INSR: variants seen among roughly 807,000 people sequenced by gnomAD.
INSR encodes the protein IR.
A neutral mutation model predicts 142.6 loss-of-function variants in INSR; 67 were observed. That is an observed-to-expected ratio of 0.47 (90% CI 0.39 to 0.58). The LOEUF is 0.58. Ranked by LOEUF, INSR falls within the 20% of genes least tolerant of loss-of-function variation. The pLI is 0.00. For synonymous variants in INSR, 756 were observed against 743.1 expected (o/e 1.02, Z -0.28); for missense variants, 1,248 against 1,833.2 (o/e 0.68, Z 5.83).
At position 7,125,399 on chromosome 19, in the gene INSR, C is replaced by T; in HGVS notation, c.3142G>A (p.Gly1048Ser). 6.2e-7 allele frequency: 1 copy of T among 1,614,146 alleles called. No homozygotes were observed. The highest frequency in any genetic ancestry group is 8.5e-7 in the Non-Finnish European group (1 of 1,180,032). Residue 1048 changes from glycine to serine, a missense_variant, in exon 17 of 22, where the codon GGT becomes AGT. By Grantham distance (56) the Gly-to-Ser change is moderately conservative. Coordinates refer to ENST00000302850, the MANE Select transcript of INSR (RefSeq NM_000208.4). The surrounding 1 kb of genome is among the most constrained non-coding windows in gnomAD (Gnocchi z 4.9). Reference protein sequence around the residue: ...YEGNARDIIKGEAETRVAVKT... With the variant: ...YEGNARDIIKSEAETRVAVKT... ...ACCGCCACGCGGGTCTCTGCCTCAC[C>T]CTTGATGATGTCCCTGGCATTGCCC...
Position 7,166,392 on chromosome 19 carries a change from A to G in INSR, c.1623T>C (p.Asn541=). Residue 541 remains asparagine, a synonymous_variant, in exon 8 of 22, where the codon AAT becomes AAC. Coordinates refer to ENST00000302850, the MANE Select transcript of INSR (RefSeq NM_000208.4). The surrounding 1 kb of genome is among the most constrained non-coding windows in gnomAD (Gnocchi z 4.1). ...MLFYKEAPYQ[N]VTEFDGQDAC... ...CATCCTGCCCGTCGAACTCCGTCAC[A>G]TTCTGATAAGGGCTTTCAAGACAAA... 1 of 1,614,046 alleles carries G rather than the reference A, an allele frequency of 6.2e-7. No homozygotes were observed. The highest frequency in any genetic ancestry group is 8.5e-7 in the Non-Finnish European group (1 of 1,180,004).
At chr19:7,233,777 G>A (rs1348128079) in intron 2 of INSR, among the ~76,000 whole-genome samples, 2 of 135,346 alleles carry the variant, frequency 1.5e-5, no homozygotes, top group African/African-American at 2.8e-5. Flanking sequence ...CTGGGTTCAC[G>A]CCATTCTCCT....
rs904376501 is a variant in INSR at position 7,159,185 on chromosome 19, G to A, written c.2029+3847C>T. Among the ~76,000 whole-genome samples the A allele has an allele frequency of 3.3e-5, 5 of 152,100 alleles. No homozygotes were observed. The highest frequency in any genetic ancestry group is 9.7e-5 in the African/African-American group (4 of 41,406). On this transcript the variant is annotated intron_variant, in intron 9 of 21. Transcript: ENST00000302850. The surrounding 1 kb of genome is among the most constrained non-coding windows in gnomAD (Gnocchi z 4.3). ...CTCCCAGTGTGCTGGGATTACAGGC[G>A]TGAGCCACTGTGCCCGGTAAATCTC...
At chr19:7,181,010 G>A (rs1006795907) in intron 3 of INSR, among the ~76,000 whole-genome samples, 6 of 151,224 alleles carry the variant, frequency 4.0e-5, no homozygotes, top group Admixed American at 1.3e-4. Context: ...GCACACTCTC[G>A]GCTCACTGCG....
intron 2 of INSR, among the ~76,000 whole-genome samples, chr19:7,248,780 C>T (rs1378604864): frequency 5.8e-4 from 19 of 32,604 alleles, no homozygotes; most frequent in African/African-American, 2.2e-3. Context: ...TTTTTTGAGA[C>T]GGAGTCTCAC....
At chr19:7,254,249 G>A (rs181596731) in intron 2 of INSR, among the ~76,000 whole-genome samples, 14 of 152,188 alleles carry the variant, frequency 9.2e-5, no homozygotes, top group Admixed American at 5.2e-4. Context: ...GGATGGTGGT[G>A]CGCACCTGTA....
intron 2 of INSR, among the ~76,000 whole-genome samples, chr19:7,231,342 C>T (rs1356740030): frequency 1.4e-5 from 2 of 147,556 alleles, no homozygotes; most frequent in African/African-American, 5.1e-5. Flanking sequence ...TCTCTTTCGC[C>T]CAGGCTCTAG....
At chr19:7,258,337 G>A in intron 2 of INSR, among the ~76,000 whole-genome samples, 1 of 151,938 alleles carries the variant, frequency 6.6e-6, no homozygotes, top group East Asian at 1.9e-4. Flanking sequence ...TACTGAGGAG[G>A]CTGACTGAGG....
Position 7,216,270 on chromosome 19 carries a change from G to A in INSR, c.653-31633C>T, listed in dbSNP as rs998069650. ...ACCCAGGAGGCAGAGGTTGCAGTGA[G>A]CTGAGATCGTGCCATTGCACTCCAG... On this transcript the variant is annotated intron_variant, in intron 2 of 21. Transcript: ENST00000302850. This position sits in a 1 kb window ranked among gnomAD's most constrained non-coding sequence, Gnocchi z 4.2. Among the ~76,000 whole-genome samples the A allele has an allele frequency of 6.6e-6, 1 of 152,208 alleles. No homozygotes were observed. Among genetic ancestry groups the A allele is most frequent in the Non-Finnish European group, 1.5e-5 (1 of 68,040 alleles).
intron 1 of INSR, among the ~76,000 whole-genome samples, chr19:7,286,723 T>TTTTCC (rs1968354126): frequency 1.3e-5 from 2 of 151,844 alleles, no homozygotes; most frequent in African/African-American, 4.8e-5. Flanking sequence ...TGTGTTTTTT[T>TTTTCC]TTTCCTTTCT....
At chr19:7,211,877 C>T (rs1286690735) in intron 2 of INSR, among the ~76,000 whole-genome samples, 2 of 143,464 alleles carry the variant, frequency 1.4e-5, no homozygotes, top group African/African-American at 3.0e-5. Context: ...GACTGGGTCA[C>T]GGGCTACACG....
intron 2 of INSR, among the ~76,000 whole-genome samples, chr19:7,233,712 G>A (rs2145132914): frequency 9.1e-6 from 1 of 109,948 alleles, no homozygotes; most frequent in Admixed American, 1.5e-4. Flanking sequence ...GTCTCGCTGT[G>A]TTGCCCAGGC....
At chr19:7,284,279 G>T (rs936740401) in intron 1 of INSR, among the ~76,000 whole-genome samples, 1 of 151,998 alleles carries the variant, frequency 6.6e-6, no homozygotes, top group Non-Finnish European at 1.5e-5. Flanking sequence ...TGCCCAGGCT[G>T]GTCTCAAACT....
Position 7,225,285 on chromosome 19 carries a change from C to A in INSR, c.653-40648G>T, listed in dbSNP as rs1039807270. Among the ~76,000 whole-genome samples, 2 of 152,154 alleles carry A rather than the reference C, an allele frequency of 1.3e-5. No homozygotes were observed. The highest frequency in any genetic ancestry group is 2.9e-5 in the Non-Finnish European group (2 of 68,030). On this transcript the variant is annotated intron_variant, in intron 2 of 21. Transcript: ENST00000302850. This position sits in a 1 kb window ranked among gnomAD's most constrained non-coding sequence, Gnocchi z 4.7. ...ATCAATGTTACTGTGGGCCAGTTGCCGTTATAGGTGTAAGATGATTCCTCA... is the reference window on the plus strand; with the variant it reads ...ATCAATGTTACTGTGGGCCAGTTGCAGTTATAGGTGTAAGATGATTCCTCA...
chr19:7,228,155 G>A (rs143444083), intron 2 of INSR, among the ~76,000 whole-genome samples: 22 of 152,252 alleles, frequency 1.4e-4, no homozygotes, highest in African/African-American at 4.3e-4. Context: ...CACAGGGTCC[G>A]GCAAGTATCC....
intron 2 of INSR, among the ~76,000 whole-genome samples, chr19:7,203,025 A>G (rs1178459142): frequency 2.8e-5 from 4 of 140,804 alleles, no homozygotes; most frequent in Non-Finnish European, 6.1e-5. Context: ...CAGATTTAAC[A>G]GATGATTGAT....
rs143620008 is a variant in INSR, at chr19:7,272,249, T to A, written c.101-4353A>T. The stretch of plus-strand genomic sequence containing the variant: ...TGAACCAGAGAGTTGGAGGTTTCAG[T>A]GAGCCAAGATTGCACCACTGCACTC... On this transcript the variant is annotated intron_variant, in intron 1 of 21. Coordinates refer to ENST00000302850, the MANE Select transcript of INSR (RefSeq NM_000208.4). Among the ~76,000 whole-genome samples, 3 of 152,212 alleles carry A rather than the reference T, an allele frequency of 2.0e-5. No homozygotes were observed. The East Asian group carries it at 5.8e-4, about 29-fold the overall frequency.
chr19:7,120,559 G>C (rs1972465466), intron 20 of INSR, 61 bp downstream of exon 20: 2 of 1,604,812 alleles, frequency 1.2e-6, no homozygotes, highest in African/African-American at 1.3e-5. Context: ...CCCGCTCTTG[G>C]CTCTCACTAG....
chr19:7,243,945 G>A (rs894498254), intron 2 of INSR, among the ~76,000 whole-genome samples: 3 of 152,102 alleles, frequency 2.0e-5, no homozygotes, highest in Non-Finnish European at 4.4e-5. Flanking sequence ...AATAGAATAA[G>A]ATTTAAAACC....
Sources: allele counts gnomAD v4.1 joint callset (sites outside exome capture counted in the v4.1 genomes callset), GRCh38; gene constraint gnomAD v4.1.1; non-coding constraint Gnocchi (gnomAD v3.1); transcripts MANE v1.5; gene names NCBI Gene and HGNC (gene_info 2026-07-23, HGNC 2026-07-21).